ATP8A1: variants seen among roughly 807,000 people sequenced by gnomAD.
ATP8A1 encodes phospholipid-transporting ATPase IA.
In ATP8A1, 90 loss-of-function variants were observed where a neutral mutation model predicts 177.7. That is an observed-to-expected ratio of 0.51 (90% confidence interval 0.43 to 0.60). The LOEUF is 0.60. ATP8A1 is among the 20% of genes least tolerant of loss of function. ATP8A1 has a pLI of 0.00. For synonymous variants in ATP8A1, 493 were observed against 485.9 expected, an observed-to-expected ratio of 1.01 and a Z score of -0.19; for missense variants, 1,072 against 1,392.8, an observed-to-expected ratio of 0.77 and a Z score of 3.67.
At chr4:42,651,459 G>C (rs1405938339) in intron 1 of ATP8A1, among the ~76,000 whole-genome samples, 2 of 152,292 alleles carry the variant, frequency 1.3e-5, no homozygotes, top group East Asian at 3.9e-4. Flanking sequence ...ATGATACAAT[G>C]AATTCCAAGC....
intron 30 of ATP8A1, among the ~76,000 whole-genome samples, chr4:42,451,714 G>A (rs1717949051): frequency 6.6e-6 from 1 of 151,898 alleles, no homozygotes; most frequent in African/African-American, 2.4e-5. Flanking sequence ...CATCAACAGA[G>A]GGAAAAAAAG....
chr4:42,635,643 G>A (rs1739193136), intron 1 of ATP8A1, among the ~76,000 whole-genome samples: 1 of 150,736 alleles, frequency 6.6e-6, no homozygotes, highest in Admixed American at 6.6e-5. Flanking sequence ...CCTTTTCAAA[G>A]GCTTAATAAT....
chr4:42,446,483 A>C, intron 31 of ATP8A1, 100 bp downstream of exon 31: 1 of 1,244,798 alleles, frequency 8.0e-7, no homozygotes, highest in Non-Finnish European at 1.1e-6. Context: ...CAACCCTTAA[A>C]TCCAGAAACA....
At chr4:42,622,331 A>C (rs534666747) in intron 4 of ATP8A1, among the ~76,000 whole-genome samples, 90 of 152,156 alleles carry the variant, frequency 5.9e-4, no homozygotes, top group African/African-American at 2.0e-3. Context: ...GCAGTGAGCC[A>C]AGATTGCGCC....
At chr4:42,437,553 T>C (rs1446497512) in intron 33 of ATP8A1, among the ~76,000 whole-genome samples, 2 of 152,178 alleles carry the variant, frequency 1.3e-5, no homozygotes, top group Non-Finnish European at 2.9e-5. Flanking sequence ...CCTAAATGAT[T>C]TCTTATTGTT....
At chr4:42,547,972 C>T (rs114040551) in intron 19 of ATP8A1, among the ~76,000 whole-genome samples, 80 of 152,306 alleles carry the variant, frequency 5.3e-4, no homozygotes, top group African/African-American at 1.6e-3. Context: ...TGAATGGTCA[C>T]GCAGTCTTTA....
intron 20 of ATP8A1, among the ~76,000 whole-genome samples, chr4:42,540,173 T>A (rs1728238852): frequency 6.6e-6 from 1 of 152,044 alleles, no homozygotes; most frequent in South Asian, 2.1e-4. Context: ...TCAACAAGTA[T>A]ATGAAAAAAA....
intron 5 of ATP8A1, among the ~76,000 whole-genome samples, chr4:42,609,013 G>A (rs1462635545): frequency 6.6e-6 from 1 of 152,046 alleles, no homozygotes; most frequent in Non-Finnish European, 1.5e-5. Flanking sequence ...AAACCACCAG[G>A]GGCTTGGCTG....
intron 12 of ATP8A1, 129 bp downstream of exon 12, chr4:42,578,131 G>T: frequency 2.3e-6 from 2 of 888,306 alleles, no homozygotes; most frequent in Admixed American, 3.8e-5. Context: ...CAACAAATTA[G>T]GTTCAAAAAT....
intron 33 of ATP8A1, among the ~76,000 whole-genome samples, chr4:42,435,600 C>T (rs1242406993): frequency 6.6e-6 from 1 of 152,112 alleles, no homozygotes; most frequent in Non-Finnish European, 1.5e-5. Flanking sequence ...GCCTGGAGGG[C>T]AGAGAGGCAG....
chr4:42,609,680 T>C (rs1452029664), intron 5 of ATP8A1, among the ~76,000 whole-genome samples: 1 of 152,156 alleles, frequency 6.6e-6, no homozygotes, highest in Non-Finnish European at 1.5e-5. Flanking sequence ...TTTCTCTCCA[T>C]TGCCAGGTCC....
intron 23 of ATP8A1, among the ~76,000 whole-genome samples, chr4:42,503,905 T>A (rs547893341): frequency 1.1e-3 from 169 of 152,346 alleles, no homozygotes; most frequent in African/African-American, 3.5e-3. Context: ...TGCAGGTGGC[T>A]GTCTCTTGGA....
intron 7 of ATP8A1, 87 bp downstream of exon 7, chr4:42,590,724 G>A: frequency 9.9e-6 from 12 of 1,213,118 alleles, no homozygotes; most frequent in Non-Finnish European, 1.3e-5. Flanking sequence ...AAGAGACACA[G>A]AACTCAACCA....
chr4:42,481,662 T>A (rs956156494), intron 25 of ATP8A1, among the ~76,000 whole-genome samples: 1 of 152,216 alleles, frequency 6.6e-6, no homozygotes, highest in Non-Finnish European at 1.5e-5. Flanking sequence ...TAAATCTCCA[T>A]GAGTCTTAGA....
intron 25 of ATP8A1, among the ~76,000 whole-genome samples, chr4:42,473,251 T>C (rs758830194): frequency 6.6e-6 from 1 of 152,216 alleles, no homozygotes; most frequent in Admixed American, 6.5e-5. Flanking sequence ...TCAGGATCTT[T>C]CTTCTGCCCC....
At chr4:42,559,196 A>G (rs1730563553) in intron 15 of ATP8A1, among the ~76,000 whole-genome samples, 1 of 152,220 alleles carries the variant, frequency 6.6e-6, no homozygotes, top group African/African-American at 2.4e-5. Context: ...AAAACAAAAC[A>G]AAACACAACC....
intron 29 of ATP8A1, 91 bp downstream of exon 29, chr4:42,455,206 T>C (rs1718348357): frequency 1.3e-6 from 2 of 1,508,818 alleles, no homozygotes; most frequent in East Asian, 4.5e-5. Context: ...GGCTAGTGTA[T>C]CCTTGGCCTT....
intron 1 of ATP8A1, among the ~76,000 whole-genome samples, chr4:42,635,612 A>G (rs745997985): frequency 2.9e-4 from 44 of 151,748 alleles, no homozygotes; most frequent in Admixed American, 3.9e-4. Context: ...CTAAGATGGA[A>G]TTATTAGCAT....
At chr4:42,491,043 G>T (rs1012035872) in intron 24 of ATP8A1, among the ~76,000 whole-genome samples, 1 of 152,060 alleles carries the variant, frequency 6.6e-6, no homozygotes, top group Non-Finnish European at 1.5e-5. Context: ...TCTGCTGCCT[G>T]TAAAACTCCT....
Sources: allele counts gnomAD v4.1 joint callset (sites outside exome capture counted in the v4.1 genomes callset), GRCh38; gene constraint gnomAD v4.1.1; transcripts MANE v1.5; gene names NCBI Gene and HGNC (gene_info 2026-07-23, HGNC 2026-07-21).